Variants in MDGA2 observed in about 807,000 individuals in gnomAD.
MDGA2 encodes MAM domain-containing glycosylphosphatidylinositol anchor protein 2.
A neutral mutation model predicts 117.8 loss-of-function variants in MDGA2; 40 were observed. The observed-to-expected ratio is 0.34, with a 90% CI of 0.26 to 0.44. MDGA2 has a LOEUF of 0.44. Among genes scored for constraint, MDGA2 ranks in the 20% least tolerant of loss-of-function variants. The pLI is 1.00. For synonymous variants in MDGA2, 452 were observed against 439.0 expected (o/e 1.03, Z -0.37); for missense variants, 1,123 against 1,250.6 (o/e 0.90, Z 1.54).
intron 5 of MDGA2, among the ~76,000 whole-genome samples, chr14:47,104,342 T>G (rs1207344572): frequency 6.6e-6 from 1 of 150,482 alleles, no homozygotes; most frequent in Non-Finnish European, 1.5e-5. Context: ...ACAAAAGAAG[T>G]GTAAATGGCC....
chr14:47,328,185 T>C (rs904851138), intron 1 of MDGA2, among the ~76,000 whole-genome samples: 3 of 152,172 alleles, frequency 2.0e-5, no homozygotes, highest in Admixed American at 1.3e-4. Flanking sequence ...TTTTATGGTC[T>C]GAGCACTCCA....
At chr14:46,974,629 G>T (rs1433629731) in intron 8 of MDGA2, among the ~76,000 whole-genome samples, 1 of 152,146 alleles carries the variant, frequency 6.6e-6, no homozygotes, top group African/African-American at 2.4e-5. Context: ...ATGGGGAATA[G>T]ATAGTCTTTT....
chr14:47,135,655 C>T (rs1366247150), intron 4 of MDGA2, among the ~76,000 whole-genome samples: 1 of 151,902 alleles, frequency 6.6e-6, no homozygotes, highest in African/African-American at 2.4e-5. Flanking sequence ...GGCTAGAAAA[C>T]CTTGAATTGT....
At chr14:47,299,072 G>A (rs1296118168) in intron 2 of MDGA2, among the ~76,000 whole-genome samples, 1 of 152,078 alleles carries the variant, frequency 6.6e-6, no homozygotes, top group Non-Finnish European at 1.5e-5. Flanking sequence ...AAAAAATATT[G>A]ATACCAAAAC....
Position 47,628,266 on chromosome 14 carries a change from T to C in MDGA2, c.280+46251A>G, listed in dbSNP as rs573556595. 4.6e-5 allele frequency among the ~76,000 whole-genome samples: 7 copies of C among 152,316 alleles called. No homozygotes were observed. The East Asian group carries it at 1.4e-3, about 29-fold the overall frequency. On this transcript the variant is annotated intron_variant, in intron 1 of 16. Transcript: ENST00000399232. ...CATGGCATATTTTGCTTTTCTTTCATAGCTCCTATCAAAATGTGTAATTAT... is the reference window on the plus strand; with the variant it reads ...CATGGCATATTTTGCTTTTCTTTCACAGCTCCTATCAAAATGTGTAATTAT...
chr14:47,673,389 G>A (rs1258176639), intron 1 of MDGA2, among the ~76,000 whole-genome samples: 1 of 152,070 alleles, frequency 6.6e-6, no homozygotes, highest in Non-Finnish European at 1.5e-5. Flanking sequence ...TGCAGCACCG[G>A]AGTCCAAACC....
rs202010645 is a variant in MDGA2 at position 46,895,360 on chromosome 14, A to G, written c.2239-13139T>C. Among the ~76,000 whole-genome samples, 6 of 152,218 alleles carry G rather than the reference A, an allele frequency of 3.9e-5. No homozygotes were observed. In the East Asian group the frequency reaches 1.2e-3, roughly 29 times the overall value. ...GTCTCAGATATTTCTTCATAGAAGC[A>G]TGAGAATGGACTAACACAGTATCTA... On this transcript the variant is annotated intron_variant, in intron 10 of 16. Transcript: ENST00000399232.
intron 2 of MDGA2, among the ~76,000 whole-genome samples, chr14:47,243,967 G>T (rs2139616449): frequency 6.6e-6 from 1 of 151,868 alleles, no homozygotes; most frequent in South Asian, 2.1e-4. Flanking sequence ...ATTATTTCTA[G>T]CTTAATAATT....
Position 47,358,000 on chromosome 14 carries a change from TG to T in MDGA2, c.281-56451del, listed in dbSNP as rs111501442. On this transcript the variant is annotated intron_variant, in intron 1 of 16. Transcript: ENST00000399232. The stretch of plus-strand genomic sequence containing the variant: ...TCCCTGGGTTTTCTGGTACACACTG[TG>T]GAAAAAGTGCCTACTTGCAACTGTT... Among the ~76,000 whole-genome samples, 1,345 of 152,248 alleles carry T rather than the reference TG, an allele frequency of 8.8e-3. 14 individuals are homozygous for T. Among genetic ancestry groups the T allele is most frequent in the African/African-American group, 0.03 (1,262 of 41,542 alleles).
chr14:47,601,697 A>G (rs984013638), intron 1 of MDGA2, among the ~76,000 whole-genome samples: 2 of 152,166 alleles, frequency 1.3e-5, no homozygotes, highest in East Asian at 3.9e-4. Context: ...AAATGTGGGT[A>G]AAAGATTTTT....
At chr14:47,422,261 G>A (rs902950229) in intron 1 of MDGA2, among the ~76,000 whole-genome samples, 24 of 152,228 alleles carry the variant, frequency 1.6e-4, no homozygotes, top group African/African-American at 5.8e-4. Flanking sequence ...TGCTAATGTT[G>A]ACTTCCCAAT....
At chr14:47,258,058 C>T (rs971917390) in intron 2 of MDGA2, among the ~76,000 whole-genome samples, 8 of 152,178 alleles carry the variant, frequency 5.3e-5, no homozygotes, top group Non-Finnish European at 8.8e-5. Flanking sequence ...TATGAAAGCA[C>T]TGCCTTCTTT....
chr14:47,610,563 GC>G (rs1455436162), intron 1 of MDGA2, among the ~76,000 whole-genome samples: 1 of 151,002 alleles, frequency 6.6e-6, no homozygotes, highest in Non-Finnish European at 1.5e-5. Context: ...TTTTACAATA[GC>G]TAAAAACAAA....
chr14:47,152,020 T>G (rs1373602324), intron 3 of MDGA2, among the ~76,000 whole-genome samples: 1 of 152,146 alleles, frequency 6.6e-6, no homozygotes, highest in African/African-American at 2.4e-5. Flanking sequence ...TAGCTACCCC[T>G]TTATAACTAA....
At chr14:47,179,177 C>A (rs757885204) in intron 3 of MDGA2, among the ~76,000 whole-genome samples, 1 of 151,874 alleles carries the variant, frequency 6.6e-6, no homozygotes, top group East Asian at 1.9e-4. Context: ...AAATATTAAA[C>A]AAATAATAAT....
chr14:47,197,998 C>A (rs1885350143), intron 3 of MDGA2, among the ~76,000 whole-genome samples: 1 of 152,112 alleles, frequency 6.6e-6, no homozygotes, highest in South Asian at 2.1e-4. Flanking sequence ...TGATTTCCTG[C>A]AAAATGATAC....
chr14:47,269,695 A>C (rs901730104), intron 2 of MDGA2, among the ~76,000 whole-genome samples: 1 of 152,168 alleles, frequency 6.6e-6, no homozygotes, highest in African/African-American at 2.4e-5. Context: ...CTCAGAGCAT[A>C]ATGTTTTTTC....
chr14:47,204,980 T>C (rs983046152), intron 3 of MDGA2, among the ~76,000 whole-genome samples: 1 of 151,964 alleles, frequency 6.6e-6, no homozygotes, highest in Non-Finnish European at 1.5e-5. Flanking sequence ...AGGGCTTCTA[T>C]TGATTGCTTT....
At chr14:47,185,952 T>C (rs1884893305) in intron 3 of MDGA2, among the ~76,000 whole-genome samples, 2 of 151,610 alleles carry the variant, frequency 1.3e-5, no homozygotes, top group African/African-American at 4.8e-5. Flanking sequence ...TACCTATTTA[T>C]AATTAGGATG....
Sources: gnomAD v4.1 joint callset for allele counts (sites outside exome capture counted in the v4.1 genomes callset) on GRCh38, gnomAD v4.1.1 for gene constraint, MANE v1.5 for transcripts, NCBI Gene and HGNC (gene_info 2026-07-23, HGNC 2026-07-21) for gene names.